Variants in KAZN observed in about 807,000 individuals in gnomAD.
The protein encoded by KAZN is kazrin.
Under a neutral mutation model 87.4 loss-of-function variants are expected in KAZN, and 40 were observed. That is an observed-to-expected ratio of 0.46 (90% CI 0.36 to 0.60). KAZN has a LOEUF of 0.60. Ranked by LOEUF, KAZN falls within the 20% of genes least tolerant of loss-of-function variation. The pLI, the probability that KAZN is intolerant of heterozygous loss-of-function variation, is 0.00. For synonymous variants in KAZN, 466 were observed against 458.3 expected, an observed-to-expected ratio of 1.02 and a Z score of -0.22; for missense variants, 898 against 1,073.9, an observed-to-expected ratio of 0.84 and a Z score of 2.29.
intron 2 of KAZN, among the ~76,000 whole-genome samples, chr1:14,489,765 A>ATAC: frequency 6.7e-6 from 1 of 149,400 alleles, no homozygotes; most frequent in East Asian, 1.9e-4. Context: ...AATAATAATA[A>ATAC]TAATAATGAA....
chr1:14,307,150 C>G (rs1654987471), intron 2 of KAZN, among the ~76,000 whole-genome samples: 1 of 152,162 alleles, frequency 6.6e-6, no homozygotes, highest in Non-Finnish European at 1.5e-5. Context: ...GCCACTGCCT[C>G]CTCGTGAAGT....
intron 1 of KAZN, among the ~76,000 whole-genome samples, chr1:14,763,385 C>CA (rs1201686385): frequency 6.6e-6 from 1 of 152,200 alleles, no homozygotes; most frequent in African/African-American, 2.4e-5. Context: ...TCCAGGATCC[C>CA]ACTCACCTGT....
At chr1:14,144,162 C>T (rs1436883286) in intron 1 of KAZN, among the ~76,000 whole-genome samples, 5 of 152,182 alleles carry the variant, frequency 3.3e-5, no homozygotes, top group African/African-American at 1.2e-4. Context: ...CCTCCTTCTC[C>T]TCAACTCGGA....
chr1:13,926,451 G>A (rs1040341188), intron 1 of KAZN, among the ~76,000 whole-genome samples: 63 of 152,278 alleles, frequency 4.1e-4, no homozygotes, highest in African/African-American at 1.4e-3. Flanking sequence ...GTCTCCACTT[G>A]TGTTTCTGAG....
At chr1:14,734,183 C>T (rs186851380) in intron 1 of KAZN, among the ~76,000 whole-genome samples, 6 of 152,320 alleles carry the variant, frequency 3.9e-5, no homozygotes, top group Non-Finnish European at 7.3e-5. Flanking sequence ...TAAAGTAGCA[C>T]CTAACTCAGT....
At chr1:14,699,478 A>G (rs6429673) in intron 1 of KAZN, among the ~76,000 whole-genome samples, 135,322 of 152,276 alleles carry the variant, frequency 0.89, 60,473 homozygotes, top group African/African-American at 0.97. Context: ...GTGGAAGCTG[A>G]CTGGTGGCTG....
chr1:14,623,266 C>T (rs1253214070), intron 1 of KAZN, among the ~76,000 whole-genome samples: 3 of 152,204 alleles, frequency 2.0e-5, no homozygotes, highest in South Asian at 2.1e-4. Flanking sequence ...AGTACATGCA[C>T]ACCATGGAAT....
chr1:14,010,425 T>C (rs1294168011), intron 1 of KAZN, among the ~76,000 whole-genome samples: 2 of 152,200 alleles, frequency 1.3e-5, no homozygotes, highest in African/African-American at 2.4e-5. Context: ...CTGATCAGCA[T>C]TCTATATTGA....
At chr1:15,047,541 C>T (rs552234277) in intron 4 of KAZN, among the ~76,000 whole-genome samples, 8 of 152,148 alleles carry the variant, frequency 5.3e-5, no homozygotes, top group Middle Eastern at 3.2e-3. Flanking sequence ...GAGGCCAAAG[C>T]GGGCAGATGA....
intron 2 of KAZN, among the ~76,000 whole-genome samples, chr1:15,031,888 A>G (rs1671748645): frequency 6.6e-6 from 1 of 152,146 alleles, no homozygotes; most frequent in Non-Finnish European, 1.5e-5. Flanking sequence ...GATTACAAGC[A>G]TGAGCCAAGG....
At chr1:13,909,471 A>C (rs1401424161) in intron 1 of KAZN, among the ~76,000 whole-genome samples, 1 of 152,054 alleles carries the variant, frequency 6.6e-6, no homozygotes, top group Non-Finnish European at 1.5e-5. Flanking sequence ...GAGGTTGTGA[A>C]TAAGGGGGAA....
At chr1:14,126,361 CCCGT>C (rs1644868499) in intron 1 of KAZN, among the ~76,000 whole-genome samples, 1 of 150,218 alleles carries the variant, frequency 6.7e-6, no homozygotes, top group Non-Finnish European at 1.5e-5. Context: ...CCTCCCCCCC[CCCGT>C]CAAGATGCTT....
At chr1:14,236,755 T>G (rs943606177) in intron 2 of KAZN, among the ~76,000 whole-genome samples, 5 of 151,874 alleles carry the variant, frequency 3.3e-5, no homozygotes, top group Admixed American at 3.3e-4. Flanking sequence ...TGGTCTCTAT[T>G]AAAAAACAAC....
intron 1 of KAZN, among the ~76,000 whole-genome samples, chr1:13,931,610 C>T (rs1014919026): frequency 1.3e-5 from 2 of 152,070 alleles, no homozygotes; most frequent in Non-Finnish European, 2.9e-5. Flanking sequence ...CTGACTTCTC[C>T]ATTATCCAGA....
intron 1 of KAZN, among the ~76,000 whole-genome samples, chr1:14,836,308 T>G (rs1647260925): frequency 6.6e-6 from 1 of 152,124 alleles, no homozygotes; most frequent in Non-Finnish European, 1.5e-5. Context: ...GCCCCAGATT[T>G]TAAGCCTGAA....
chr1:14,924,419 G>A (rs1658914270), intron 1 of KAZN: 1 of 988,460 alleles, frequency 1.0e-6, no homozygotes, highest in Non-Finnish European at 1.2e-6. Flanking sequence ...CGCGGCGCAG[G>A]GCGAGCCGGC....
At chr1:14,417,993 C>CAAAAAAAAAAAAAAAAAAAAA (rs58803467) in intron 2 of KAZN, among the ~76,000 whole-genome samples, 2 of 33,808 alleles carry the variant, frequency 5.9e-5, no homozygotes, top group African/African-American at 1.1e-4. Flanking sequence ...GAGACTGCCT[C>CAAAAAAAAAAAAAAAAAAAAA]AAAAAAAAAA....
chr1:14,480,439 A>G (rs1038302036), intron 2 of KAZN, among the ~76,000 whole-genome samples: 5 of 152,008 alleles, frequency 3.3e-5, no homozygotes, highest in Non-Finnish European at 5.9e-5. Flanking sequence ...TGTCATGATG[A>G]CAATAAGATG....
At chr1:14,508,783 C>T (rs968411140) in intron 2 of KAZN, among the ~76,000 whole-genome samples, 1 of 152,184 alleles carries the variant, frequency 6.6e-6, no homozygotes, top group African/African-American at 2.4e-5. Context: ...TCAGAAAAAT[C>T]TCGGCCATAA....
Sources: gnomAD v4.1 joint callset for allele counts (sites outside exome capture counted in the v4.1 genomes callset) on GRCh38, gnomAD v4.1.1 for gene constraint, MANE v1.5 for transcripts, NCBI Gene and HGNC (gene_info 2026-07-23, HGNC 2026-07-21) for gene names.